The following ARPP19 variants were observed in gnomAD, a reference collection of about 807,000 sequenced individuals.
The protein encoded by ARPP19 is cAMP-regulated phosphoprotein 19.
In ARPP19, 8 loss-of-function variants were observed where a neutral mutation model predicts 12.0. The ratio of observed to expected loss-of-function variants is 0.67; its 90% CI spans 0.39 to 1.21. The LOEUF is 1.21. Ranked by LOEUF, ARPP19 falls within the 50% of genes most tolerant of loss-of-function variation. The pLI, the probability that ARPP19 is intolerant of heterozygous loss-of-function variation, is 0.01. For missense variants in ARPP19, 102 were observed against 136.3 expected (o/e 0.75, Z 1.25); for synonymous variants, 47 against 50.4 (o/e 0.93, Z 0.29).
At chr15:52,559,263 C>T (rs2078010810) in intron 1 of ARPP19, among the ~76,000 whole-genome samples, 1 of 152,106 alleles carries the variant, frequency 6.6e-6, no homozygotes, top group Non-Finnish European at 1.5e-5. Flanking sequence ...CCAGTCATTC[C>T]ATTCAAGAAG....
At position 52,551,574 on chromosome 15, in the gene ARPP19, TTAAA is replaced by T. The variant is rs919665470; in HGVS notation, c.*356_*359del. On this transcript the variant is annotated 3_prime_UTR_variant, in exon 3 of 3. Coordinates refer to ENST00000249822, the MANE Select transcript of ARPP19 (RefSeq NM_006628.6). ...AGAAATCAATACAATAGAGATTATA[TTAAA>T]TAAGAGTAACATACAAAGCTATAAT... 1 of 165,970 alleles carries T rather than the reference TTAAA, an allele frequency of 6.0e-6. No individual in the cohort carries two copies. The highest frequency in any genetic ancestry group is 1.3e-5 in the Non-Finnish European group (1 of 76,832). 10.3% of individuals were successfully genotyped at this position (165,970 alleles called of 1,614,324 possible).
chr15:52,558,164 A>G (rs2140238908), intron 1 of ARPP19, among the ~76,000 whole-genome samples: 1 of 152,256 alleles, frequency 6.6e-6, no homozygotes, highest in Admixed American at 6.5e-5. Context: ...TTAATCAAGA[A>G]AAACAGACTG....
chr15:52,567,204 A>G (rs969771054), intron 1 of ARPP19, among the ~76,000 whole-genome samples: 31 of 152,226 alleles, frequency 2.0e-4, no homozygotes, highest in Non-Finnish European at 1.9e-4. Flanking sequence ...TTATATTCCT[A>G]ACACACTTTG....
intron 1 of ARPP19, among the ~76,000 whole-genome samples, chr15:52,564,794 GTTC>G (rs2078066488): frequency 6.6e-6 from 1 of 152,084 alleles, no homozygotes; most frequent in South Asian, 2.1e-4. Context: ...TCGTTCAAGA[GTTC>G]TTAAGTGGGT....
chr15:52,555,299 A>G (rs1296900009), intron 2 of ARPP19, among the ~76,000 whole-genome samples: 1 of 152,072 alleles, frequency 6.6e-6, no homozygotes, highest in East Asian at 1.9e-4. Context: ...AATTGGCCCA[A>G]TGTTGGAAGA....
chr15:52,568,832 CG>C lies in ARPP19; in HGVS notation c.45+15del. 1 of 1,564,682 alleles carries C rather than the reference CG, an allele frequency of 6.4e-7. No individual in the cohort carries two copies. The highest frequency in any genetic ancestry group is 1.2e-5 in the South Asian group (1 of 85,966). On this transcript the variant is annotated intron_variant, in intron 1 of 2. Transcript: ENST00000249822. ...GGCCTTGGGCAGGGCCCAGGGCTCA[CG>C]CCCCGCGCGCTCACCTTCTGCTCCT...
At chr15:52,566,751 T>C (rs992076988) in intron 1 of ARPP19, among the ~76,000 whole-genome samples, 4 of 152,108 alleles carry the variant, frequency 2.6e-5, no homozygotes, top group Non-Finnish European at 5.9e-5. Flanking sequence ...AGTCTTAGAG[T>C]GGTATACAAG....
intron 1 of ARPP19, among the ~76,000 whole-genome samples, chr15:52,563,623 T>C (rs2078055363): frequency 6.6e-6 from 1 of 152,224 alleles, no homozygotes; most frequent in African/African-American, 2.4e-5. Context: ...TTTTGTAGTC[T>C]ATTATACACT....
Position 52,547,097 on chromosome 15 carries a change from C to CAAAAAAAAAA in ARPP19, c.*4827_*4836dup, listed in dbSNP as rs58435724. On this transcript the variant is annotated 3_prime_UTR_variant, in exon 3 of 3. Transcript: ENST00000249822. ...CTTAAGTACAAAGCCTTTACAAATG[C>CAAAAAAAAAA]AAAAAAAAAAAAAAAATCAAAGATT... 6 of 135,754 alleles carry CAAAAAAAAAA rather than the reference C, an allele frequency of 4.4e-5. No homozygotes were observed. The highest frequency in any genetic ancestry group is 7.4e-5 in the Admixed American group (1 of 13,458). The allele number at this position is 135,754 out of a possible 1,614,324, so 8.4% of individuals were successfully genotyped here.
chr15:52,556,094 G>A (rs183874888), intron 2 of ARPP19, among the ~76,000 whole-genome samples: 1 of 152,022 alleles, frequency 6.6e-6, no homozygotes, highest in African/African-American at 2.4e-5. Context: ...GTATTTCAAA[G>A]CTGTGAATAT....
chr15:52,557,373 T>C, intron 1 of ARPP19, 151 bp from the exon 2 acceptor site: 2 of 631,116 alleles, frequency 3.2e-6, no homozygotes, highest in South Asian at 2.1e-5. Context: ...CTTTAAAACA[T>C]CTCTATCTTG....
chr15:52,558,756 T>C (rs1189395001), intron 1 of ARPP19, among the ~76,000 whole-genome samples: 2 of 148,972 alleles, frequency 1.3e-5, no homozygotes, highest in Admixed American at 6.7e-5. Context: ...TTTTGGCATA[T>C]ATTTCACTCA....
rs2077907423 is a variant in ARPP19 at position 52,549,316 on chromosome 15, T to A, written c.*2618A>T. On this transcript the variant is annotated 3_prime_UTR_variant, in exon 3 of 3. Transcript: ENST00000249822. ...AATCTTGATTCAAGTGATGATCCAA[T>A]AGCTTACAAATGTCTTCAATAAACT... The A allele has an allele frequency of 6.6e-6, 1 of 152,186 alleles. No homozygotes were observed. Among genetic ancestry groups the A allele is most frequent in the African/African-American group, 2.4e-5 (1 of 41,348 alleles). The allele number at this position is 152,186 out of a possible 1,614,324, so 9.4% of individuals were successfully genotyped here.
intron 1 of ARPP19, among the ~76,000 whole-genome samples, chr15:52,562,226 A>C (rs2078040204): frequency 6.6e-6 from 1 of 152,194 alleles, no homozygotes; most frequent in South Asian, 2.1e-4. Context: ...TTAATTTTAC[A>C]TCTAACAATT....
intron 1 of ARPP19, among the ~76,000 whole-genome samples, chr15:52,567,720 A>G (rs573871500): frequency 6.2e-4 from 94 of 152,188 alleles, no homozygotes; most frequent in African/African-American, 2.2e-3. Context: ...CTTGTTTTTC[A>G]ATTACTTTAA....
At chr15:52,565,401 T>C (rs546224655) in intron 1 of ARPP19, among the ~76,000 whole-genome samples, 26 of 152,246 alleles carry the variant, frequency 1.7e-4, no homozygotes, top group Admixed American at 3.9e-4. Context: ...TTACTGCTGA[T>C]AGATTCATGA....
intron 1 of ARPP19, among the ~76,000 whole-genome samples, chr15:52,559,257 TCATTC>T (rs1167214123): frequency 1.3e-5 from 2 of 152,192 alleles, no homozygotes; most frequent in Non-Finnish European, 1.5e-5. Context: ...AGTCTACCAG[TCATTC>T]CATTCAAGAA....
At chr15:52,567,794 C>T (rs925994062) in intron 1 of ARPP19, among the ~76,000 whole-genome samples, 4 of 152,144 alleles carry the variant, frequency 2.6e-5, no homozygotes, top group Admixed American at 1.3e-4. Flanking sequence ...ATGGAATGGG[C>T]TTAGAACACT....
At chr15:52,568,539 GAA>G (rs368093136) in intron 1 of ARPP19, 2 of 346,946 alleles carry the variant, frequency 5.8e-6, no homozygotes, top group African/African-American at 4.3e-5. Flanking sequence ...GAGGCTTACA[GAA>G]AAACTTAGGC....
Sources: gnomAD v4.1 joint callset for allele counts (sites outside exome capture counted in the v4.1 genomes callset) on GRCh38, gnomAD v4.1.1 for gene constraint, MANE v1.5 for transcripts, NCBI Gene and HGNC (gene_info 2026-07-23, HGNC 2026-07-21) for gene names.